The following PAMR1 variants were observed in gnomAD, a reference collection of about 807,000 sequenced individuals.
PAMR1 encodes inactive serine protease PAMR1.
PAMR1 carries 88 observed loss-of-function variants against 81.8 expected under a neutral mutation model. The ratio of observed to expected loss-of-function variants is 1.08; its 90% CI spans 0.91 to 1.28. The LOEUF (loss-of-function observed/expected upper bound fraction) is 1.28, where lower values mean the gene tolerates loss of function less well. Ranked by LOEUF, PAMR1 falls within the 50% of genes most tolerant of loss-of-function variation. The pLI is 0.00. For synonymous variants in PAMR1, 336 were observed against 345.3 expected, an observed-to-expected ratio of 0.97 and a Z score of 0.30; for missense variants, 935 against 919.7, an observed-to-expected ratio of 1.02 and a Z score of -0.21.
chr11:35,489,049 C>A (rs1168842616), intron 3 of PAMR1, among the ~76,000 whole-genome samples: 2 of 152,138 alleles, frequency 1.3e-5, no homozygotes, highest in Non-Finnish European at 2.9e-5. Context: ...TTTCCCATCT[C>A]CTTCCTGGTT....
intron 1 of PAMR1, among the ~76,000 whole-genome samples, chr11:35,519,586 G>T (rs1590401867): frequency 6.6e-6 from 1 of 152,172 alleles, no homozygotes; most frequent in Non-Finnish European, 1.5e-5. Flanking sequence ...CCAGAAACTG[G>T]TTGGACTTTT....
chr11:35,514,035 G>C (rs776999280), intron 1 of PAMR1, among the ~76,000 whole-genome samples: 3 of 152,142 alleles, frequency 2.0e-5, no homozygotes, highest in Non-Finnish European at 4.4e-5. Flanking sequence ...CCTTGAAAGG[G>C]ATTCTGATCT....
intron 6 of PAMR1, among the ~76,000 whole-genome samples, chr11:35,457,003 C>T (rs2135362388): frequency 6.6e-6 from 1 of 152,248 alleles, no homozygotes; most frequent in Non-Finnish European, 1.5e-5. Context: ...TGTTAGTCAG[C>T]ATTGATCAAA....
At chr11:35,487,835 G>A (rs943830296) in intron 3 of PAMR1, among the ~76,000 whole-genome samples, 1 of 152,206 alleles carries the variant, frequency 6.6e-6, no homozygotes, top group African/African-American at 2.4e-5. Context: ...TTACTTCACA[G>A]CTCTGAGCCT....
chr11:35,494,497 C>T lies in PAMR1; in HGVS notation c.74-225G>A, dbSNP rs547630775. ...TACAGGCGCCCACCACTACGCCAGG[C>T]TAATTTTTTGTATTTTTAGTAGAGA... On this transcript the variant is annotated intron_variant, in intron 1 of 10. Transcript: ENST00000619888. 3.3e-5 allele frequency among the ~76,000 whole-genome samples: 5 copies of T among 152,302 alleles called. No individual in the cohort carries two copies. The East Asian group carries it at 9.6e-4, about 29-fold the overall frequency.
rs755359844 is a variant in PAMR1, at chr11:35,432,836, G to A, written c.1683C>T (p.Ile561=). ...NYDPILLDAD[I]AILKLLDKAR... is the part of the protein sequence containing the mutation. ...CCTTGTCTAGGAGCTTCAGGATGGC[G>A]ATGTCAGCATCAAGCAGGATGGGGT... Residue 561 remains isoleucine (I), a synonymous_variant, in exon 11 of 11, where the codon ATC becomes ATT. Transcript: ENST00000619888. 13 of 1,601,908 alleles carry A rather than the reference G, an allele frequency of 8.1e-6. No homozygotes were observed. Among genetic ancestry groups the A allele is most frequent in the East Asian group, 6.7e-5 (3 of 44,874 alleles).
At chr11:35,498,599 T>C (rs1411395292) in intron 1 of PAMR1, among the ~76,000 whole-genome samples, 2 of 152,238 alleles carry the variant, frequency 1.3e-5, no homozygotes, top group Non-Finnish European at 2.9e-5. Context: ...TTGCTTAAAA[T>C]GGTCACCTTG....
upstream of PAMR1, among the ~76,000 whole-genome samples, chr11:35,527,797 C>T (rs1851415499): frequency 6.6e-6 from 1 of 152,230 alleles, no homozygotes; most frequent in Non-Finnish European, 1.5e-5. Context: ...ATCTTTACTC[C>T]AGGCCTTCAT....
chr11:35,521,750 A>G (rs951696523), intron 1 of PAMR1, among the ~76,000 whole-genome samples: 52 of 152,256 alleles, frequency 3.4e-4, no homozygotes, highest in African/African-American at 1.2e-3. Context: ...CATGTGCTGG[A>G]TGTGTGAATA....
chr11:35,465,409 G>C (rs947943434), intron 6 of PAMR1, among the ~76,000 whole-genome samples: 1 of 152,012 alleles, frequency 6.6e-6, no homozygotes, highest in Non-Finnish European at 1.5e-5. Flanking sequence ...AAGAATTCCC[G>C]CCAGGATGTT....
upstream of PAMR1, chr11:35,525,930 TAGGACCCTGGGCGGGAGCAG>T (rs1281867776): frequency 3.1e-6 from 1 of 322,532 alleles, no homozygotes; most frequent in African/African-American, 2.5e-5. Flanking sequence ...GGAGGGGCCA[TAGGACCCTGGGCGGGAGCAG>T]AGGTACCCAG....
chr11:35,477,165 C>T (rs543476153), intron 3 of PAMR1, among the ~76,000 whole-genome samples: 13 of 152,270 alleles, frequency 8.5e-5, no homozygotes, highest in East Asian at 1.9e-4. Context: ...ATAATACACA[C>T]GCCTATTTGA....
chr11:35,509,247 C>T (rs1333684226), intron 1 of PAMR1, among the ~76,000 whole-genome samples: 1 of 152,188 alleles, frequency 6.6e-6, no homozygotes, highest in Non-Finnish European at 1.5e-5. Context: ...GAAATAGATA[C>T]ATGAAATATA....
intron 1 of PAMR1, among the ~76,000 whole-genome samples, chr11:35,502,163 G>GC (rs1195875675): frequency 6.6e-6 from 1 of 151,954 alleles, no homozygotes; most frequent in Non-Finnish European, 1.5e-5. Flanking sequence ...GCATTTCTCT[G>GC]CATTTTTTTC....
intron 4 of PAMR1, among the ~76,000 whole-genome samples, chr11:35,471,889 A>G (rs1850194842): frequency 6.6e-6 from 1 of 152,224 alleles, no homozygotes; most frequent in Admixed American, 6.5e-5. Context: ...AAAAATAGAA[A>G]TAGAAAGGCC....
intron 6 of PAMR1, among the ~76,000 whole-genome samples, chr11:35,462,424 G>A (rs1856674248): frequency 1.3e-5 from 2 of 152,168 alleles, no homozygotes; most frequent in Non-Finnish European, 2.9e-5. Flanking sequence ...CCTGTATGTT[G>A]GTGCAGTGGT....
At chr11:35,456,110 G>A (rs1409463866) in intron 6 of PAMR1, among the ~76,000 whole-genome samples, 1 of 152,204 alleles carries the variant, frequency 6.6e-6, no homozygotes, top group East Asian at 1.9e-4. Flanking sequence ...CAGAGAGAGA[G>A]CAAGAGTAGG....
chr11:35,432,238 G>A lies in PAMR1; in HGVS notation c.*118C>T. On this transcript the variant is annotated 3_prime_UTR_variant, in exon 11 of 11. Coordinates refer to ENST00000619888, the MANE Select transcript of PAMR1 (RefSeq NM_001001991.3). The stretch of plus-strand genomic sequence containing the variant: ...CTGAGTTTTGTCCCTGAAGTCAGAA[G>A]CCCTGGCACAGCCAAGTTCACAGGC... The A allele has an allele frequency of 2.1e-6, 2 of 933,416 alleles. No homozygotes were observed. Among genetic ancestry groups the A allele is most frequent in the Non-Finnish European group, 1.6e-6 (1 of 618,324 alleles). 57.8% of individuals were successfully genotyped at this position (933,416 alleles called of 1,614,324 possible). A position where few individuals can be genotyped will look rare whatever the true frequency, so the allele number is the denominator to read the frequency against.
chr11:35,474,524 C>T, intron 4 of PAMR1, 106 bp downstream of exon 4: 1 of 630,898 alleles, frequency 1.6e-6, no homozygotes, highest in Non-Finnish European at 2.7e-6. Flanking sequence ...AAGAGAAAGG[C>T]TCCAATATAC....
Sources: gnomAD v4.1 joint callset for allele counts (sites outside exome capture counted in the v4.1 genomes callset) on GRCh38, gnomAD v4.1.1 for gene constraint, MANE v1.5 for transcripts, NCBI Gene and HGNC (gene_info 2026-07-23, HGNC 2026-07-21) for gene names.